The following COL4A2 variants were observed in gnomAD, a reference collection of about 807,000 sequenced individuals.
The protein encoded by COL4A2 is collagen type IV alpha 2 chain.
A neutral mutation model predicts 200.2 loss-of-function variants in COL4A2; 99 were observed. That is an observed-to-expected ratio of 0.49 (90% CI 0.42 to 0.58). The LOEUF is 0.58. COL4A2 is among the 20% of genes least tolerant of loss of function. The pLI, the probability that COL4A2 is intolerant of heterozygous loss-of-function variation, is 0.00. For synonymous variants in COL4A2, 897 were observed against 900.6 expected (o/e 1.00, Z 0.07); for missense variants, 1,950 against 2,314.1 (o/e 0.84, Z 3.23).
intron 4 of COL4A2, among the ~76,000 whole-genome samples, chr13:110,409,174 T>C (rs549021214): frequency 1.4e-4 from 21 of 151,636 alleles, no homozygotes; most frequent in Non-Finnish European, 2.8e-4. Context: ...TATACACATG[T>C]ACACACATAC....
chr13:110,509,672 C>A (rs1180803247), intron 47 of COL4A2, among the ~76,000 whole-genome samples: 1 of 152,144 alleles, frequency 6.6e-6, no homozygotes, highest in East Asian at 1.9e-4. Context: ...GGTCAGGCAT[C>A]CCCTGTTCCA....
intron 3 of COL4A2, among the ~76,000 whole-genome samples, chr13:110,322,621 C>T (rs1225643613): frequency 6.6e-6 from 1 of 152,144 alleles, no homozygotes; most frequent in African/African-American, 2.4e-5. Context: ...CATGGCTTCA[C>T]CAAACTGACG....
chr13:110,389,967 A>T (rs1192878848), intron 4 of COL4A2, among the ~76,000 whole-genome samples: 3 of 152,192 alleles, frequency 2.0e-5, no homozygotes, highest in Non-Finnish European at 2.9e-5. Context: ...CGATAATAGC[A>T]TTTGACCAAG....
intron 14 of COL4A2, 22 bp from the exon 15 acceptor site, chr13:110,438,596 C>T (rs774945719): frequency 1.8e-5 from 29 of 1,614,046 alleles, no homozygotes; most frequent in East Asian, 2.2e-5. Flanking sequence ...TTGCTCCTTA[C>T]GCCCCCTCTG....
intron 4 of COL4A2, among the ~76,000 whole-genome samples, chr13:110,368,417 CTTCAAAGCAATAA>C (rs1877845301): frequency 6.6e-6 from 1 of 152,220 alleles, no homozygotes; most frequent in Non-Finnish European, 1.5e-5. Flanking sequence ...CCACTTAAAA[CTTCAAAGCAATAA>C]GCTTCATTTC....
intron 4 of COL4A2, among the ~76,000 whole-genome samples, chr13:110,376,802 C>A (rs1176044794): frequency 6.6e-6 from 1 of 152,144 alleles, no homozygotes; most frequent in Admixed American, 6.5e-5. Flanking sequence ...CCTGAAACCC[C>A]CTTGGAGAGT....
intron 34 of COL4A2, among the ~76,000 whole-genome samples, chr13:110,488,495 G>A (rs1298808804): frequency 6.6e-6 from 1 of 152,186 alleles, no homozygotes; most frequent in Non-Finnish European, 1.5e-5. Flanking sequence ...GAGCAACTCA[G>A]GCATCTTCTC....
chr13:110,505,204 G>A (rs1316392843), intron 45 of COL4A2, among the ~76,000 whole-genome samples: 1 of 151,910 alleles, frequency 6.6e-6, no homozygotes, highest in East Asian at 2.0e-4. Context: ...CAAAAAATTA[G>A]CCGGGCGTGG....
intron 20 of COL4A2, chr13:110,456,489 C>T (rs923070303): frequency 6.2e-6 from 2 of 320,854 alleles, no homozygotes; most frequent in Non-Finnish European, 1.2e-5. Context: ...CAAAACTTTT[C>T]TTTGGACTCA....
intron 38 of COL4A2, 76 bp from the exon 39 acceptor site, chr13:110,493,135 C>A (rs990506131): frequency 2.9e-5 from 45 of 1,555,472 alleles, no homozygotes; most frequent in Non-Finnish European, 3.3e-5. Flanking sequence ...TGAGTGACAC[C>A]CCCGCAGGTG....
chr13:110,485,637 A>G lies in COL4A2; in HGVS notation c.3026-18A>G, dbSNP rs751163517. ...CTGCGTCCTCACCAGAGTGTTACAC[A>G]CCAGGGTCTTCCTGCAGGTATCCAA... On this transcript the variant is annotated intron_variant, in intron 33 of 47. Coordinates refer to ENST00000360467, the MANE Select transcript of COL4A2 (RefSeq NM_001846.4). The G allele has an allele frequency of 6.3e-6, 10 of 1,585,730 alleles. No homozygotes were observed. Among genetic ancestry groups the G allele is most frequent in the South Asian group, 2.3e-5 (2 of 88,206 alleles).
chr13:110,486,783 T>G (rs1883131748), intron 34 of COL4A2, among the ~76,000 whole-genome samples: 1 of 150,454 alleles, frequency 6.6e-6, no homozygotes, highest in Non-Finnish European at 1.5e-5. Flanking sequence ...CGGGCAGGAG[T>G]GGGGGTCACA....
At chr13:110,419,105 G>C (rs1052580925) in intron 4 of COL4A2, among the ~76,000 whole-genome samples, 1 of 152,216 alleles carries the variant, frequency 6.6e-6, no homozygotes, top group African/African-American at 2.4e-5. Context: ...GACAGGCCTT[G>C]AAGGTCTGGA....
intron 27 of COL4A2, 101 bp downstream of exon 27, chr13:110,467,197 A>G (rs1176268363): frequency 6.9e-7 from 1 of 1,459,220 alleles, no homozygotes; most frequent in Non-Finnish European, 9.4e-7. Context: ...TGCATCCCCC[A>G]CCCCAGACAT....
At chr13:110,506,180 C>T (rs1021622323) in intron 45 of COL4A2, among the ~76,000 whole-genome samples, 1 of 151,838 alleles carries the variant, frequency 6.6e-6, no homozygotes, top group Non-Finnish European at 1.5e-5. Flanking sequence ...CGTCCACTCT[C>T]TCTCTCTCTC....
intron 3 of COL4A2, among the ~76,000 whole-genome samples, chr13:110,321,928 TG>T (rs1293040224): frequency 6.6e-6 from 1 of 152,158 alleles, no homozygotes; most frequent in Non-Finnish European, 1.5e-5. Context: ...CCTTGACATG[TG>T]GGGATGATTA....
intron 3 of COL4A2, among the ~76,000 whole-genome samples, chr13:110,345,090 G>T (rs1876637620): frequency 6.6e-6 from 1 of 152,082 alleles, no homozygotes; most frequent in Non-Finnish European, 1.5e-5. Context: ...AAGAATGAGT[G>T]GGGACTAGAT....
chr13:110,419,238 C>T (rs1424493810), intron 4 of COL4A2, among the ~76,000 whole-genome samples: 1 of 152,176 alleles, frequency 6.6e-6, no homozygotes, highest in Non-Finnish European at 1.5e-5. Flanking sequence ...GAAGGGATTT[C>T]CTACTATTCA....
At chr13:110,414,764 C>G (rs1046890952) in intron 4 of COL4A2, among the ~76,000 whole-genome samples, 4 of 152,196 alleles carry the variant, frequency 2.6e-5, no homozygotes, top group African/African-American at 9.7e-5. Flanking sequence ...CTGTAAGACT[C>G]TTGCTAGGGA....
Sources: allele counts gnomAD v4.1 joint callset (sites outside exome capture counted in the v4.1 genomes callset), GRCh38; gene constraint gnomAD v4.1.1; transcripts MANE v1.5; gene names NCBI Gene and HGNC (gene_info 2026-07-23, HGNC 2026-07-21).